The following LY96 variants were observed in gnomAD, a reference collection of about 807,000 sequenced individuals.
LY96 encodes lymphocyte antigen 96, also known as myeloid differentiation protein-2.
A neutral mutation model predicts 18.9 loss-of-function variants in LY96; 18 were observed. The observed-to-expected ratio is 0.95, with a 90% confidence interval of 0.66 to 1.41. LY96 has a LOEUF of 1.41. Among genes scored for constraint, LY96 ranks in the 40% most tolerant of loss-of-function variants. The pLI is 0.00. For synonymous variants in LY96, 66 were observed against 62.6 expected (o/e 1.06, Z -0.26); for missense variants, 175 against 182.4 (o/e 0.96, Z 0.23).
At chr8:74,088,534 T>G in the LY96 span, among the ~76,000 whole-genome samples, 12 of 152,088 alleles carry the variant, frequency 7.9e-5, no homozygotes, top group Non-Finnish European at 2.9e-5. Flanking sequence ...CCCCTCAACC[T>G]CTAAGCTAAA....
chr8:74,081,579 G>A, the LY96 span, among the ~76,000 whole-genome samples: 37 of 151,956 alleles, frequency 2.4e-4, no homozygotes, highest in South Asian at 7.7e-3. Context: ...TTTTTAGTAG[G>A]GATGAGGTCT....
intron 1 of LY96, among the ~76,000 whole-genome samples, chr8:73,995,497 TC>T (rs1393750173): frequency 6.6e-6 from 1 of 152,172 alleles, no homozygotes; most frequent in Non-Finnish European, 1.5e-5. Context: ...AAAGGCACTG[TC>T]TCCAAATGCA....
intron 3 of LY96, among the ~76,000 whole-genome samples, chr8:74,013,959 G>A (rs1231295759): frequency 6.6e-6 from 1 of 152,056 alleles, no homozygotes; most frequent in Non-Finnish European, 1.5e-5. Flanking sequence ...CCATATGGCA[G>A]GAGGTGGGGG....
downstream of LY96, among the ~76,000 whole-genome samples, chr8:74,033,111 A>G (rs1304799255): frequency 6.6e-6 from 1 of 152,130 alleles, no homozygotes; most frequent in Non-Finnish European, 1.5e-5. Flanking sequence ...TCATACGACT[A>G]TTTGAGCAGC....
At chr8:74,088,124 A>AATGGAATG in the LY96 span, among the ~76,000 whole-genome samples, 4 of 151,588 alleles carry the variant, frequency 2.6e-5, no homozygotes, top group African/African-American at 9.8e-5. Context: ...AGAATAGAAT[A>AATGGAATG]GAATAGAATA....
chr8:74,076,358 T>A, the LY96 span, among the ~76,000 whole-genome samples: 1 of 151,870 alleles, frequency 6.6e-6, no homozygotes, highest in Non-Finnish European at 1.5e-5. Flanking sequence ...AATTTCACTC[T>A]TATTACCCAG....
At chr8:74,029,088 T>G (rs1816926867), downstream of LY96, 3 of 1,319,092 alleles carry the variant, frequency 2.3e-6, no homozygotes, top group Admixed American at 3.4e-5. Context: ...AATTTAAAGG[T>G]ATTGTTCCTG....
the LY96 span, among the ~76,000 whole-genome samples, chr8:74,094,966 G>T: frequency 1.3e-5 from 2 of 152,232 alleles, no homozygotes; most frequent in Non-Finnish European, 2.9e-5. Flanking sequence ...TTACAGAGTT[G>T]ATAGAAAGAG....
the LY96 span, among the ~76,000 whole-genome samples, chr8:74,041,365 A>G: frequency 6.6e-6 from 1 of 152,242 alleles, no homozygotes; most frequent in African/African-American, 2.4e-5. Flanking sequence ...GTGTTTGAAC[A>G]ATATGAAATC....
the LY96 span, among the ~76,000 whole-genome samples, chr8:74,069,428 A>G: frequency 5.3e-5 from 8 of 152,204 alleles, no homozygotes; most frequent in African/African-American, 1.9e-4. Context: ...GACTGGGGAA[A>G]GGAAGCCTCG....
intron 2 of LY96, among the ~76,000 whole-genome samples, chr8:74,005,099 T>C (rs1229371901): frequency 6.6e-6 from 1 of 152,232 alleles, no homozygotes; most frequent in African/African-American, 2.4e-5. Flanking sequence ...CTTCAAGGTC[T>C]CCCATAAGGC....
the LY96 span, among the ~76,000 whole-genome samples, chr8:74,062,368 G>A: frequency 6.6e-6 from 1 of 152,092 alleles, no homozygotes; most frequent in African/African-American, 2.4e-5. Flanking sequence ...GCATGCATTA[G>A]CTATTTTTCC....
At chr8:74,080,987 T>TC in the LY96 span, among the ~76,000 whole-genome samples, 55 of 42,798 alleles carry the variant, frequency 1.3e-3, no homozygotes, top group Admixed American at 2.0e-3. Context: ...TTTCTCTCTC[T>TC]TTCTTTCTTT....
intron 2 of LY96, among the ~76,000 whole-genome samples, chr8:74,009,520 A>T (rs1443037590): frequency 2.6e-5 from 4 of 152,128 alleles, no homozygotes; most frequent in Non-Finnish European, 5.9e-5. Context: ...GTAGCTGGAA[A>T]TAGGGAGATC....
the LY96 span, among the ~76,000 whole-genome samples, chr8:74,038,726 T>C: frequency 1.3e-5 from 2 of 152,298 alleles, 1 homozygote; most frequent in Admixed American, 1.3e-4. Flanking sequence ...AGTATTCTAT[T>C]GTGTAAATGT....
chr8:74,033,336 G>T (rs1230537750), downstream of LY96, among the ~76,000 whole-genome samples: 3 of 152,196 alleles, frequency 2.0e-5, no homozygotes, highest in African/African-American at 7.2e-5. Context: ...TTTGCCCCTA[G>T]ATTGGAAAAT....
the LY96 span, among the ~76,000 whole-genome samples, chr8:74,067,691 G>A: frequency 5.3e-5 from 8 of 152,016 alleles, no homozygotes; most frequent in Non-Finnish European, 1.0e-4. Flanking sequence ...GGAGATGGAG[G>A]CGTTGAGGTG....
chr8:73,995,032 G>A (rs1228810351), intron 1 of LY96, among the ~76,000 whole-genome samples: 1 of 152,116 alleles, frequency 6.6e-6, no homozygotes, highest in Non-Finnish European at 1.5e-5. Context: ...CTTTTAAGAG[G>A]TGATTAAGCC....
the LY96 span, among the ~76,000 whole-genome samples, chr8:74,058,460 A>G: frequency 1.3e-5 from 2 of 152,178 alleles, no homozygotes; most frequent in East Asian, 3.9e-4. Context: ...AGGGTTCTCC[A>G]GAGAAACAGA....
Sources: gnomAD v4.1 joint callset for allele counts (sites outside exome capture counted in the v4.1 genomes callset) on GRCh38, gnomAD v4.1.1 for gene constraint, MANE v1.5 for transcripts, NCBI Gene and HGNC (gene_info 2026-07-23, HGNC 2026-07-21) for gene names.